The following PTPRN2 variants were observed in gnomAD, a reference collection of about 807,000 sequenced individuals.
The protein encoded by PTPRN2 is receptor-type tyrosine-protein phosphatase N2.
In PTPRN2, 74 loss-of-function variants were observed where a neutral mutation model predicts 118.8. That is an observed-to-expected ratio of 0.62 (90% CI 0.52 to 0.76). The LOEUF (loss-of-function observed/expected upper bound fraction) is 0.76, where lower values mean the gene tolerates loss of function less well. Among genes scored for constraint, PTPRN2 ranks in the 30% least tolerant of loss-of-function variants. PTPRN2 has a pLI of 0.00. For missense variants in PTPRN2, 1,481 were observed against 1,394.4 expected, an observed-to-expected ratio of 1.06 and a Z score of -0.99; for synonymous variants, 641 against 608.0, an observed-to-expected ratio of 1.05 and a Z score of -0.80.
intron 12 of PTPRN2, among the ~76,000 whole-genome samples, chr7:157,696,597 G>T: frequency 7.1e-6 from 1 of 140,370 alleles, no homozygotes; most frequent in Non-Finnish European, 1.6e-5. Context: ...ATGCATACTG[G>T]ATCTTAGTAG....
In PTPRN2 at chr7:158,206,606, A is replaced by C. The variant is rs1424463586; in HGVS notation, c.278-1333T>G. 3.9e-5 allele frequency among the ~76,000 whole-genome samples: 6 copies of C among 151,910 alleles called. No individual in the cohort carries two copies. The East Asian group carries it at 1.2e-3, about 29-fold the overall frequency. ...GAGACCGTCCGTTCGTTTGTCTCGG[A>C]GAATGTAAGAGAAAAAAAGTCTGCC... On this transcript the variant is annotated intron_variant, in intron 3 of 22. Coordinates refer to ENST00000389418, the MANE Select transcript of PTPRN2 (RefSeq NM_002847.5).
chr7:158,527,588 T>G (rs1384497495), intron 1 of PTPRN2, among the ~76,000 whole-genome samples: 1 of 152,178 alleles, frequency 6.6e-6, no homozygotes, highest in Non-Finnish European at 1.5e-5. Context: ...TCAGTGTCCC[T>G]CCCAGGCCGC....
At chr7:157,545,152 G>T (rs532823332) in intron 22 of PTPRN2, among the ~76,000 whole-genome samples, 1 of 150,502 alleles carries the variant, frequency 6.6e-6, no homozygotes, top group East Asian at 2.0e-4. Flanking sequence ...CAGGTGTGTG[G>T]GTGTGTGCAG....
intron 12 of PTPRN2, among the ~76,000 whole-genome samples, chr7:157,889,265 G>GCTT (rs1796659816): frequency 1.4e-5 from 2 of 147,706 alleles, no homozygotes; most frequent in South Asian, 4.3e-4. Context: ...TCATCACCAG[G>GCTT]CTTCCTTCCC....
At chr7:158,097,783 T>C (rs1814758264) in intron 10 of PTPRN2, among the ~76,000 whole-genome samples, 1 of 151,866 alleles carries the variant, frequency 6.6e-6, no homozygotes, top group Non-Finnish European at 1.5e-5. Flanking sequence ...TCTAATGATG[T>C]CATAAGAAAT....
chr7:158,274,762 G>A lies in PTPRN2; in HGVS notation c.277+42057C>T, dbSNP rs553439052. ...GAGTCACCCCATGACCAGGAATCAC[G>A]CTGTGGCCACACACAGGGAGCCTGA... On this transcript the variant is annotated intron_variant, in intron 3 of 22. Transcript: ENST00000389418. Among the ~76,000 whole-genome samples, 6 of 152,284 alleles carry A rather than the reference G, an allele frequency of 3.9e-5. No homozygotes were observed. In the South Asian group the frequency reaches 6.2e-4, roughly 16 times the overall value.
chr7:157,862,365 C>T (rs76285698), intron 12 of PTPRN2, among the ~76,000 whole-genome samples: 5,612 of 152,330 alleles, frequency 0.037, 329 homozygotes, highest in African/African-American at 0.12. Context: ...CTTGAGCCCA[C>T]GGCTAGGGGA....
At chr7:157,905,667 A>T (rs1797731251) in intron 11 of PTPRN2, among the ~76,000 whole-genome samples, 2 of 152,230 alleles carry the variant, frequency 1.3e-5, no homozygotes, top group African/African-American at 4.8e-5. Flanking sequence ...CTACAGTGGA[A>T]TAATTTTGCC....
At chr7:157,999,228 C>A (rs1805032923) in intron 11 of PTPRN2, among the ~76,000 whole-genome samples, 1 of 152,152 alleles carries the variant, frequency 6.6e-6, no homozygotes, top group African/African-American at 2.4e-5. Flanking sequence ...GAACACAAAC[C>A]CTCCTTCTCC....
intron 11 of PTPRN2, among the ~76,000 whole-genome samples, chr7:158,018,534 T>C (rs1585210789): frequency 6.6e-6 from 1 of 152,156 alleles, no homozygotes; most frequent in Non-Finnish European, 1.5e-5. Flanking sequence ...TTTCAGAAAA[T>C]GAGGCCTCTA....
intron 1 of PTPRN2, among the ~76,000 whole-genome samples, chr7:158,561,398 C>T (rs1277345459): frequency 1.3e-5 from 2 of 152,190 alleles, no homozygotes; most frequent in Non-Finnish European, 2.9e-5. Flanking sequence ...GAAAATGCCG[C>T]TTCTGCAGGA....
chr7:157,960,522 T>C (rs1801456461), intron 11 of PTPRN2, among the ~76,000 whole-genome samples: 1 of 152,194 alleles, frequency 6.6e-6, no homozygotes, highest in Non-Finnish European at 1.5e-5. Flanking sequence ...AAATACATCT[T>C]TAATTCTTTC....
Position 157,994,101 on chromosome 7 carries a change from T to C in PTPRN2, c.1723+87197A>G, listed in dbSNP as rs140096572. 3.5e-3 allele frequency among the ~76,000 whole-genome samples: 531 copies of C among 152,266 alleles called. 4 individuals are homozygous for C. Among genetic ancestry groups the C allele is most frequent in the Non-Finnish European group, 5.7e-3 (390 of 68,022 alleles). On this transcript the variant is annotated intron_variant, in intron 11 of 22. Coordinates refer to ENST00000389418, the MANE Select transcript of PTPRN2 (RefSeq NM_002847.5). ...TTTGAAACCCACAGAGAAGACCTAA[T>C]GTATCACGTTGTTTTCCTCCTCTTT...
chr7:158,409,938 C>T (rs1340788328), intron 2 of PTPRN2, among the ~76,000 whole-genome samples: 1 of 152,178 alleles, frequency 6.6e-6, no homozygotes, highest in African/African-American at 2.4e-5. Context: ...ACTTGCCTTC[C>T]AAAGTTTTCT....
At chr7:157,937,641 T>C (rs1799801867) in intron 11 of PTPRN2, among the ~76,000 whole-genome samples, 1 of 152,258 alleles carries the variant, frequency 6.6e-6, no homozygotes, top group Non-Finnish European at 1.5e-5. Context: ...GCAAAGGTTC[T>C]GCCCCGGACT....
chr7:158,194,857 A>G (rs1024393503), intron 4 of PTPRN2, among the ~76,000 whole-genome samples: 1 of 152,174 alleles, frequency 6.6e-6, no homozygotes, highest in Non-Finnish European at 1.5e-5. Flanking sequence ...ACCACTTAAC[A>G]TATGAAATAC....
At chr7:158,073,186 C>T (rs1372101081) in intron 11 of PTPRN2, among the ~76,000 whole-genome samples, 1 of 152,224 alleles carries the variant, frequency 6.6e-6, no homozygotes, top group Non-Finnish European at 1.5e-5. Flanking sequence ...CATCTCGGCT[C>T]CTCTGCCCCT....
At chr7:157,714,125 C>T (rs1005091698) in intron 12 of PTPRN2, among the ~76,000 whole-genome samples, 4 of 152,330 alleles carry the variant, frequency 2.6e-5, no homozygotes, top group Admixed American at 6.5e-5. Context: ...GGTGAGCTCA[C>T]TACCTCATGG....
chr7:158,578,173 T>C (rs1273497632), intron 1 of PTPRN2, among the ~76,000 whole-genome samples: 3 of 152,220 alleles, frequency 2.0e-5, no homozygotes, highest in African/African-American at 7.2e-5. Flanking sequence ...AATAAAACAT[T>C]TTAAAAGAAA....
Sources: gnomAD v4.1 joint callset for allele counts (sites outside exome capture counted in the v4.1 genomes callset) on GRCh38, gnomAD v4.1.1 for gene constraint, MANE v1.5 for transcripts, NCBI Gene and HGNC (gene_info 2026-07-23, HGNC 2026-07-21) for gene names.